Variants in CLCC1 observed in about 807,000 individuals in gnomAD.
CLCC1 encodes chloride channel CLIC like 1.
CLCC1 carries 39 observed loss-of-function variants against 63.3 expected under a neutral mutation model. The ratio of observed to expected loss-of-function variants is 0.62; its 90% CI spans 0.48 to 0.81. CLCC1 has a LOEUF of 0.81. CLCC1 is among the 30% of genes least tolerant of loss of function. CLCC1 has a pLI of 0.00. For missense variants in CLCC1, 549 were observed against 669.4 expected (o/e 0.82, Z 1.98); for synonymous variants, 217 against 239.8 (o/e 0.90, Z 0.88).
At chr1:108,958,866 C>T (rs1035403040) in intron 2 of CLCC1, among the ~76,000 whole-genome samples, 4 of 143,250 alleles carry the variant, frequency 2.8e-5, no homozygotes, top group East Asian at 2.1e-4. Flanking sequence ...GGCGACAGAG[C>T]GAGACTCCAT....
intron 5 of CLCC1, among the ~76,000 whole-genome samples, chr1:108,945,391 C>G (rs1179659641): frequency 6.6e-6 from 1 of 152,022 alleles, no homozygotes; most frequent in East Asian, 1.9e-4. Context: ...CTAAATAGAC[C>G]ACAAAAAAAG....
At chr1:108,939,593 G>C in intron 10 of CLCC1, 43 bp downstream of exon 10, 2 of 1,580,726 alleles carry the variant, frequency 1.3e-6, no homozygotes, top group Non-Finnish European at 1.7e-6. Context: ...ACAGGCGTGA[G>C]CCACCGCGCC....
At chr1:108,959,033 G>T (rs1003831406) in intron 2 of CLCC1, among the ~76,000 whole-genome samples, 10 of 151,822 alleles carry the variant, frequency 6.6e-5, no homozygotes, top group African/African-American at 2.4e-4. Context: ...AATTAGCCGA[G>T]CGTGGTGGCA....
intron 6 of CLCC1, 75 bp downstream of exon 6, chr1:108,943,761 T>C: frequency 1.4e-6 from 2 of 1,442,526 alleles, no homozygotes; most frequent in East Asian, 4.6e-5. Context: ...GTTCTTAACG[T>C]AATTATGGTG....
rs750440661 is a variant in CLCC1 at position 108,934,720 on chromosome 1, C to G, written c.1606G>C (p.Gly536Arg). 6.2e-6 allele frequency: 10 copies of G among 1,613,972 alleles called. No individual in the cohort carries two copies. In the Middle Eastern group the frequency reaches 6.7e-4, roughly 108 times the overall value. ...DQGSTYSPAR[G>R]VAGPRGQDPV... is the part of the protein sequence containing the mutation. The stretch of plus-strand genomic sequence containing the variant: ...TCCTGTCCACGTGGTCCAGCCACAC[C>G]TCTTGCGGGGCTGTATGTGCTGCCT... Residue 536 changes from glycine (G) to arginine (R), a missense_variant, in exon 12 of 13, where the codon GGT becomes CGT. Transcript: ENST00000369969.
At chr1:108,944,550 TA>T (rs1459989865) in intron 5 of CLCC1, among the ~76,000 whole-genome samples, 1 of 151,914 alleles carries the variant, frequency 6.6e-6, no homozygotes, top group Non-Finnish European at 1.5e-5. Context: ...GAAAAACATT[TA>T]AAAATTCTAG....
At chr1:108,954,495 G>A (rs1655606995) in intron 2 of CLCC1, among the ~76,000 whole-genome samples, 2 of 150,898 alleles carry the variant, frequency 1.3e-5, no homozygotes, top group Admixed American at 1.3e-4. Flanking sequence ...GTAAAACTCG[G>A]TCTCAAAAAC....
In CLCC1 at chr1:108,931,174, CAAA is replaced by C; in HGVS notation, c.*1370_*1372del. The C allele has an allele frequency of 2.4e-6, 2 of 823,188 alleles. No homozygotes were observed. The highest frequency in any genetic ancestry group is 3.5e-6 in the Non-Finnish European group (2 of 572,216). The allele number at this position is 823,188 out of a possible 1,614,324, so 51.0% of individuals were successfully genotyped here. On this transcript the variant is annotated 3_prime_UTR_variant, in exon 13 of 13. Transcript: ENST00000369969. ...TAAGTTCTAATATAAAAACAAAAAA[CAAA>C]ACCCATGTGGTTAGGTCAAGAACCT...
intron 12 of CLCC1, chr1:108,933,735 A>G (rs1652391948): frequency 6.6e-6 from 1 of 152,234 alleles, no homozygotes; most frequent in Non-Finnish European, 1.5e-5. Context: ...TTTGATAATC[A>G]GAAAGACTAA....
intron 8 of CLCC1, 62 bp downstream of exon 8, chr1:108,941,343 T>TC: frequency 7.2e-7 from 1 of 1,393,280 alleles, no homozygotes; most frequent in South Asian, 1.2e-5. Context: ...TTCTCTTTGT[T>TC]CTATGTTCTT....
Position 108,929,614 on chromosome 1 carries a change from G to A in CLCC1, c.*2933C>T, listed in dbSNP as rs1037062017. On this transcript the variant is annotated 3_prime_UTR_variant, in exon 13 of 13. Coordinates refer to ENST00000369969, the MANE Select transcript of CLCC1 (RefSeq NM_001377458.1). Reference sequence around the variant, plus strand: ...GCCCCAAATAAAAGTTTACAACTGCGTTTTCTTGTTGTGACTGAGAGATTT... The same window carrying A: ...GCCCCAAATAAAAGTTTACAACTGCATTTTCTTGTTGTGACTGAGAGATTT... The A allele has an allele frequency of 4.4e-5, 55 of 1,246,012 alleles. No homozygotes were observed. The highest frequency in any genetic ancestry group is 2.1e-4 in the Middle Eastern group (1 of 4,834). The allele number at this position is 1,246,012 out of a possible 1,614,324, so 77.2% of individuals were successfully genotyped here. A position where few individuals can be genotyped will look rare whatever the true frequency, so the allele number is the denominator to read the frequency against.
intron 2 of CLCC1, among the ~76,000 whole-genome samples, chr1:108,957,812 G>A (rs761959505): frequency 4.0e-5 from 6 of 151,286 alleles, no homozygotes; most frequent in Non-Finnish European, 8.8e-5. Flanking sequence ...GAGAGCAGTG[G>A]GACTACATTT....
chr1:108,933,617 T>C (rs1368769142), intron 12 of CLCC1: 3 of 152,262 alleles, frequency 2.0e-5, no homozygotes, highest in Non-Finnish European at 2.9e-5. Context: ...ACATAACTTG[T>C]AGTGTGAATA....
intron 10 of CLCC1, among the ~76,000 whole-genome samples, chr1:108,938,086 T>G (rs906866861): frequency 6.6e-6 from 1 of 152,236 alleles, no homozygotes; most frequent in African/African-American, 2.4e-5. Flanking sequence ...ACTCAGGGGA[T>G]GCATGCTTGC....
intron 2 of CLCC1, among the ~76,000 whole-genome samples, chr1:108,961,284 T>TTAAA (rs1553223522): frequency 2.2e-5 from 3 of 133,950 alleles, no homozygotes; most frequent in Non-Finnish European, 4.7e-5. Context: ...AAGAGTTTGT[T>TTAAA]AAAAAAAAAA....
Position 108,930,203 on chromosome 1 carries a change from A to C in CLCC1, c.*2344T>G. The C allele has an allele frequency of 2.6e-6, 1 of 391,002 alleles. No individual in the cohort carries two copies. The highest frequency in any genetic ancestry group is 4.6e-6 in the Non-Finnish European group (1 of 218,520). 24.2% of individuals were successfully genotyped at this position (391,002 alleles called of 1,614,324 possible). A position where few individuals can be genotyped will look rare whatever the true frequency, so the allele number is the denominator to read the frequency against. Reference sequence around the variant, plus strand: ...CTTTGGCAGCTTGTGAGATTACTTTACCTAGTGTTTATAAAGTAGGAAGTT... The same window carrying C: ...CTTTGGCAGCTTGTGAGATTACTTTCCCTAGTGTTTATAAAGTAGGAAGTT... On this transcript the variant is annotated 3_prime_UTR_variant, in exon 13 of 13. Transcript: ENST00000369969.
At chr1:108,944,167 T>C in intron 5 of CLCC1, 110 bp from the exon 6 acceptor site, 2 of 764,350 alleles carry the variant, frequency 2.6e-6, no homozygotes, top group Non-Finnish European at 4.2e-6. Context: ...TTTGCAGTAT[T>C]TCATATGTAT....
chr1:108,951,756 G>A lies in CLCC1; in HGVS notation c.-11-1308C>T, dbSNP rs538430909. The stretch of plus-strand genomic sequence containing the variant: ...ACATGCAAATATACCCAAAACCGTT[G>A]AATTGTATACTTTTTTTTTTTTTTT... On this transcript the variant is annotated intron_variant, in intron 2 of 12. Coordinates refer to ENST00000369969, the MANE Select transcript of CLCC1 (RefSeq NM_001377458.1). 3.9e-3 allele frequency among the ~76,000 whole-genome samples: 565 copies of A among 146,534 alleles called. 1 individual carries two copies. Among genetic ancestry groups the A allele is most frequent in the Middle Eastern group, 7.1e-3 (2 of 282 alleles).
chr1:108,944,177 TAAG>T (rs1654224255), intron 5 of CLCC1, 120 bp from the exon 6 acceptor site: 2 of 719,720 alleles, frequency 2.8e-6, no homozygotes, highest in Non-Finnish European at 4.5e-6. Context: ...TTCATATGTA[TAAG>T]AATAATAGCC....
Sources: gnomAD v4.1 joint callset for allele counts (sites outside exome capture counted in the v4.1 genomes callset) on GRCh38, gnomAD v4.1.1 for gene constraint, MANE v1.5 for transcripts, NCBI Gene and HGNC (gene_info 2026-07-23, HGNC 2026-07-21) for gene names.